The following MTX1 variants were observed in gnomAD, a reference collection of about 807,000 sequenced individuals.
MTX1 encodes the protein metaxin 1.
In MTX1, 20 loss-of-function variants were observed where a neutral mutation model predicts 39.4. The ratio of observed to expected loss-of-function variants is 0.51; its 90% CI spans 0.36 to 0.74. The LOEUF is 0.74. MTX1 is among the 30% of genes least tolerant of loss of function. The pLI is 0.00. For missense variants in MTX1, 481 were observed against 485.9 expected (o/e 0.99, Z 0.10); for synonymous variants, 209 against 198.6 (o/e 1.05, Z -0.44).
At chr1:155,213,105 T>G (rs1671186129) in intron 6 of MTX1, 132 bp from the exon 7 acceptor site, 2 of 572,202 alleles carry the variant, frequency 3.5e-6, no homozygotes, top group South Asian at 2.0e-5. Flanking sequence ...TAGAACTGTG[T>G]GTCCTGTCCT....
intron 1 of MTX1, among the ~76,000 whole-genome samples, chr1:155,210,031 G>C (rs1671049196): frequency 6.6e-6 from 1 of 152,218 alleles, no homozygotes; most frequent in African/African-American, 2.4e-5. Context: ...GGCATTATCA[G>C]TGCTTCCAAG....
At position 155,212,775 on chromosome 1, in the gene MTX1, G is replaced by C; in HGVS notation, c.1031+5G>C. The C allele has an allele frequency of 6.3e-7, 1 of 1,583,848 alleles. No individual in the cohort carries two copies. The highest frequency in any genetic ancestry group is 8.6e-7 in the Non-Finnish European group (1 of 1,164,520). The stretch of plus-strand genomic sequence containing the variant: ...AAAGTTCTTCTTTGGAGATGCGTGA[G>C]TCTGACTCCAAGAGGGTAATGGGTG... On this transcript the variant is annotated splice_donor_5th_base_variant and intron_variant, in intron 6 of 7. Transcript: ENST00000368376.
At chr1:155,213,092 G>C (rs1005527230) in intron 6 of MTX1, 145 bp from the exon 7 acceptor site, 10 of 583,606 alleles carry the variant, frequency 1.7e-5, no homozygotes, top group Non-Finnish European at 3.1e-5. Flanking sequence ...CCCATACCAG[G>C]TCTAGAACTG....
At position 155,208,745 on chromosome 1, in the gene MTX1, T is replaced by G; in HGVS notation, c.-60T>G. ...TCCGGCCGCCGCCACCGCCCCTGTT[T>G]TGTTTCCATGGCGACAGGCGGCGCA... On this transcript the variant is annotated 5_prime_UTR_variant, in exon 1 of 8. Transcript: ENST00000368376. 2.1e-6 allele frequency: 3 copies of G among 1,425,258 alleles called. No individual in the cohort carries two copies. The highest frequency in any genetic ancestry group is 2.8e-6 in the Non-Finnish European group (3 of 1,084,642). 88.3% of individuals were successfully genotyped at this position (1,425,258 alleles called of 1,614,324 possible). A position where few individuals can be genotyped will look rare whatever the true frequency, so the allele number is the denominator to read the frequency against.
At chr1:155,211,768 T>G (rs565603357) in intron 3 of MTX1, 1 of 179,388 alleles carries the variant, frequency 5.6e-6, no homozygotes, top group Admixed American at 5.6e-5. Context: ...TCCGTTGTGC[T>G]AGCTTTGTGG....
Position 155,210,388 on chromosome 1 carries a change from A to G in MTX1, c.571A>G (p.Ile191Val), listed in dbSNP as rs1671074119. 6.2e-7 allele frequency: 1 copy of G among 1,614,206 alleles called. No individual in the cohort carries two copies. Among genetic ancestry groups the G allele is most frequent in the Non-Finnish European group, 8.5e-7 (1 of 1,180,022 alleles). Residue 191 changes from isoleucine (I) to valine (V), a missense_variant, in exon 2 of 8, where the codon ATC (isoleucine) becomes GTC (valine). Ile to Val is a conservative substitution (Grantham distance 29). This residue lies in a region of MTX1 where 368 missense variants were observed against 332.8 expected (regional missense o/e 1.11). Transcript: ENST00000368376. The part of the protein sequence containing the change: ...FTGAPLKVHK[I>V]SNPWQSPSGT... ...TGGTGCTCCACTGAAGGTACACAAG[A>G]TCAGCAACCCCTGGCAGAGCCCTTC...
In MTX1 at chr1:155,209,347, C is replaced by T. The variant is rs1405549726; in HGVS notation, c.528+15C>T. 1.4e-6 allele frequency: 2 copies of T among 1,411,230 alleles called. No individual in the cohort carries two copies. The highest frequency in any genetic ancestry group is 1.5e-5 in the African/African-American group (1 of 67,980). 87.4% of individuals were successfully genotyped at this position (1,411,230 alleles called of 1,614,324 possible). A position where few individuals can be genotyped will look rare whatever the true frequency, so the allele number is the denominator to read the frequency against. On this transcript the variant is annotated intron_variant, in intron 1 of 7. Transcript: ENST00000368376. ...TGGCCGTGCTGGTGAGGGGTGGCGCCGGCGCCCTCTGCTGTGCCCTGATGA... is the reference window on the plus strand; with the variant it reads ...TGGCCGTGCTGGTGAGGGGTGGCGCTGGCGCCCTCTGCTGTGCCCTGATGA...
rs1288884437 is a variant in MTX1, at chr1:155,212,734, A to T, written c.995A>T (p.Gln332Leu). The change falls in exon 6 of 8, where the codon CAG (glutamine) becomes CTG (leucine). Residue 332 changes from glutamine (Q) to leucine (L), a missense_variant. Physicochemically the swap from Gln to Leu is moderately radical, Grantham distance 113 (BLOSUM62 -2). Transcript: ENST00000368376. ...EARECLTLLSQRLGSQKFFFG... is the reference protein window; with the variant it reads ...EARECLTLLSLRLGSQKFFFG... ...CGGGAGTGTCTGACCCTGCTCTCTC[A>T]GCGCCTGGGCTCTCAAAAGTTCTTC... The T allele has an allele frequency of 2.5e-6, 4 of 1,599,518 alleles. No individual in the cohort carries two copies. The highest frequency in any genetic ancestry group is 3.5e-5 in the Admixed American group (2 of 57,754).
Position 155,210,350 on chromosome 1 carries a change from A to G in MTX1, c.533A>G (p.Tyr178Cys), listed in dbSNP as rs1671071474. 2 of 1,614,014 alleles carry G rather than the reference A, an allele frequency of 1.2e-6. No individual in the cohort carries two copies. The highest frequency in any genetic ancestry group is 1.7e-5 in the Admixed American group (1 of 60,000). ...CTTCTGCTTCCTTCCCTGCAGACCT[A>G]TGCCAGATTTACTGGTGCTCCACTG... is the stretch of plus-strand genomic sequence containing the variant. ...VDLDSLAVLT[Y>C]ARFTGAPLKV... Residue 178 changes from tyrosine to cysteine, a missense_variant, in exon 2 of 8, where the codon TAT (tyrosine) becomes TGT (cysteine). By Grantham distance (194) the Tyr-to-Cys change is radical. Around this residue, in one of 2 missense-constraint regions of MTX1, gnomAD observed 368 missense variants for 332.8 expected, o/e 1.11. Coordinates refer to ENST00000368376, the MANE Select transcript of MTX1 (RefSeq NM_002455.5).
At chr1:155,210,013 A>C in intron 1 of MTX1, among the ~76,000 whole-genome samples, 1 of 152,230 alleles carries the variant, frequency 6.6e-6, no homozygotes, top group South Asian at 2.1e-4. Flanking sequence ...GATACTGCCA[A>C]AGAGAAGGGC....
In MTX1 at chr1:155,208,823, C is replaced by A. The variant is rs377309496; in HGVS notation, c.19C>A (p.Pro7Thr). 3.5e-5 allele frequency: 55 copies of A among 1,574,014 alleles called. No individual in the cohort carries two copies. The highest frequency in any genetic ancestry group is 3.4e-5 in the Non-Finnish European group (39 of 1,157,448). Residue 7 changes from proline (P) to threonine (T), a missense_variant, in exon 1 of 8, where the codon CCC becomes ACC. By Grantham distance (38) the Pro-to-Thr change is conservative (BLOSUM62 -1). This residue lies in a region of MTX1 where 368 missense variants were observed against 332.8 expected (regional missense o/e 1.11). Coordinates refer to ENST00000368376, the MANE Select transcript of MTX1 (RefSeq NM_002455.5). MLLGGP[P>T]RSPRSGTSPK... Reference sequence around the variant, plus strand: ...GGAAAACATGCTGCTCGGGGGACCCCCCCGCAGTCCCCGCTCGGGGACGAG... The same window carrying A: ...GGAAAACATGCTGCTCGGGGGACCCACCCGCAGTCCCCGCTCGGGGACGAG...
chr1:155,212,057 G>A (rs1671146465), intron 3 of MTX1, 70 bp from the exon 4 acceptor site: 2 of 1,385,460 alleles, frequency 1.4e-6, no homozygotes, highest in South Asian at 2.6e-5. Context: ...TACCAGACAG[G>A]ACTCCTTCCT....
At chr1:155,210,298 G>C (rs367764372) in intron 1 of MTX1, 48 bp from the exon 2 acceptor site, 13 of 1,502,360 alleles carry the variant, frequency 8.7e-6, no homozygotes, top group Non-Finnish European at 1.2e-5. Flanking sequence ...TGATACCACT[G>C]TGGGGGACAT....
At position 155,208,906 on chromosome 1, in the gene MTX1, C is replaced by T. The variant is rs1670919111; in HGVS notation, c.102C>T (p.Thr34=). 2 of 1,611,704 alleles carry T rather than the reference C, an allele frequency of 1.2e-6. No homozygotes were observed. The highest frequency in any genetic ancestry group is 2.2e-5 in the East Asian group (1 of 44,848). The change falls in exon 1 of 8, where the codon ACC becomes ACT. Residue 34 remains threonine (T), a synonymous_variant. Coordinates refer to ENST00000368376, the MANE Select transcript of MTX1 (RefSeq NM_002455.5). The part of the protein sequence containing the change: ...GHVQFGKSPQ[T]WPRRTRPRSP... Reference sequence around the variant, plus strand: ...TGCAGTTTGGCAAGAGCCCCCAGACCTGGCCCAGGCGCACAAGACCCCGCT... The same window carrying T: ...TGCAGTTTGGCAAGAGCCCCCAGACTTGGCCCAGGCGCACAAGACCCCGCT...
chr1:155,212,562 A>C lies in MTX1; in HGVS notation c.949A>C (p.Lys317Gln). Residue 317 changes from lysine to glutamine, a missense_variant, in exon 5 of 8, where the codon AAG becomes CAG. Around this residue, in one of 2 missense-constraint regions of MTX1, gnomAD observed 113 missense variants for 153.2 expected, o/e 0.74. Transcript: ENST00000368376. ...HRPEDEEELE[K>Q]ELYREARECL... ...GCCTGAGGACGAGGAAGAGCTGGAG[A>C]AGGAGGTAGCTCTGAGACCGGGGGC... 1 of 1,609,300 alleles carries C rather than the reference A, an allele frequency of 6.2e-7. No homozygotes were observed. Among genetic ancestry groups the C allele is most frequent in the African/African-American group, 1.3e-5 (1 of 74,818 alleles).
At chr1:155,209,370 T>A (rs2148051136) in intron 1 of MTX1, 38 bp downstream of exon 1, 1 of 1,380,782 alleles carries the variant, frequency 7.2e-7, no homozygotes, top group East Asian at 2.7e-5. Flanking sequence ...TGTGCCCTGA[T>A]GACTGGGGAG....
chr1:155,212,267 T>A (rs773751896), intron 4 of MTX1, 48 bp downstream of exon 4: 208 of 1,595,032 alleles, frequency 1.3e-4, no homozygotes, highest in Middle Eastern at 1.7e-4. Flanking sequence ...CGGGGAGGGT[T>A]CGGGAACACA....
rs1202241009 is a variant in MTX1 at position 155,212,683 on chromosome 1, C to T, written c.955-11C>T. 7 of 1,611,422 alleles carry T rather than the reference C, an allele frequency of 4.3e-6. No individual in the cohort carries two copies. Among genetic ancestry groups the T allele is most frequent in the South Asian group, 2.2e-5 (2 of 90,612 alleles). On this transcript the variant is annotated splice_polypyrimidine_tract_variant and intron_variant, in intron 5 of 7. Coordinates refer to ENST00000368376, the MANE Select transcript of MTX1 (RefSeq NM_002455.5). ...CCCACAGCTGCAAGCCTACCTGTGTCGCCCCTACAGCTGTACCGAGAGGCT... is the reference window on the plus strand; with the variant it reads ...CCCACAGCTGCAAGCCTACCTGTGTTGCCCCTACAGCTGTACCGAGAGGCT...
intron 1 of MTX1, among the ~76,000 whole-genome samples, chr1:155,209,962 A>G (rs962344109): frequency 6.6e-6 from 1 of 152,254 alleles, no homozygotes; most frequent in Non-Finnish European, 1.5e-5. Context: ...AATAAATATA[A>G]TAAAATATTC....
Sources: allele counts gnomAD v4.1 joint callset (sites outside exome capture counted in the v4.1 genomes callset), GRCh38; gene constraint gnomAD v4.1.1; regional missense constraint gnomAD v4.1.1; transcripts MANE v1.5; gene names NCBI Gene and HGNC (gene_info 2026-07-23, HGNC 2026-07-21).